Variants in CNTN4 observed in about 807,000 individuals in gnomAD.
The protein encoded by CNTN4 is contactin 4, also known as contactin-4.
CNTN4 carries 77 observed loss-of-function variants against 122.5 expected under a neutral mutation model. The ratio of observed to expected loss-of-function variants is 0.63; its 90% CI spans 0.52 to 0.76. The LOEUF (loss-of-function observed/expected upper bound fraction) is 0.76, where lower values mean the gene tolerates loss of function less well. CNTN4 is among the 30% of genes least tolerant of loss of function. CNTN4 has a pLI of 0.00. For synonymous variants in CNTN4, 512 were observed against 447.0 expected (o/e 1.15, Z -1.83); for missense variants, 1,256 against 1,259.1 (o/e 1.00, Z 0.04).
chr3:2,686,421 C>CAGGTGTGT (rs1284756299), intron 4 of CNTN4, among the ~76,000 whole-genome samples: 1 of 152,152 alleles, frequency 6.6e-6, no homozygotes, highest in Non-Finnish European at 1.5e-5. Flanking sequence ...ACACACACCC[C>CAGGTGTGT]ATCTCCTCCA....
intron 2 of CNTN4, among the ~76,000 whole-genome samples, chr3:2,205,572 C>T (rs1328769914): frequency 4.0e-5 from 6 of 151,810 alleles, no homozygotes; most frequent in African/African-American, 1.5e-4. Flanking sequence ...TCGTAAGCTC[C>T]CAAAGGGCAG....
chr3:2,885,005 A>G (rs964153553), intron 9 of CNTN4, among the ~76,000 whole-genome samples: 1 of 152,200 alleles, frequency 6.6e-6, no homozygotes, highest in African/African-American at 2.4e-5. Flanking sequence ...GACACCGATT[A>G]TGTACTTTTC....
Position 2,756,668 on chromosome 3 carries a change from A to G in CNTN4, c.358+10971A>G, listed in dbSNP as rs954908428. On this transcript the variant is annotated intron_variant, in intron 6 of 24. Coordinates refer to ENST00000418658, the MANE Select transcript of CNTN4 (RefSeq NM_175607.3). Reference sequence around the variant, plus strand: ...ATCACCCAGATGGACCATAAATTCAATATCAAGTGTCCTCATAAGAGAGTG... The same window carrying G: ...ATCACCCAGATGGACCATAAATTCAGTATCAAGTGTCCTCATAAGAGAGTG... 1.2e-4 allele frequency among the ~76,000 whole-genome samples: 18 copies of G among 152,328 alleles called. No homozygotes were observed. The East Asian group carries it at 2.7e-3, about 23-fold the overall frequency.
chr3:2,804,091 A>ACACACACACACT lies in CNTN4; in HGVS notation c.359-15388_359-15387insACACTCACACAC, dbSNP rs765327201. On this transcript the variant is annotated intron_variant, in intron 6 of 24. Transcript: ENST00000418658. ...CACACACACACACACACACACACAC[A>ACACACACACACT]CACACACGTATGATAAAAACCATAA... Among the ~76,000 whole-genome samples the ACACACACACACT allele has an allele frequency of 5.2e-3, 749 of 144,222 alleles. 3 individuals carry two copies. The highest frequency in any genetic ancestry group is 7.3e-3 in the Non-Finnish European group (471 of 64,722). 94.6% of individuals were successfully genotyped at this position (144,222 alleles called of 152,430 possible).
At chr3:2,699,542 C>T (rs2086240204) in intron 4 of CNTN4, among the ~76,000 whole-genome samples, 1 of 152,220 alleles carries the variant, frequency 6.6e-6, no homozygotes, top group Non-Finnish European at 1.5e-5. Flanking sequence ...TTGCTTGGAA[C>T]TGACATTTGG....
intron 4 of CNTN4, among the ~76,000 whole-genome samples, chr3:2,626,506 A>G (rs994100646): frequency 6.6e-6 from 1 of 150,792 alleles, no homozygotes; most frequent in Non-Finnish European, 1.5e-5. Context: ...CAAAAAAAAA[A>G]CAACAAAAAA....
At position 2,521,343 on chromosome 3, in the gene CNTN4, T is replaced by TCGCCCCCC. The variant is rs781282977; in HGVS notation, c.-88-50072_-88-50071insGCCCCCCC. Among the ~76,000 whole-genome samples the TCGCCCCCC allele has an allele frequency of 6.2e-4, 79 of 128,278 alleles. 1 individual carries two copies. Among genetic ancestry groups the TCGCCCCCC allele is most frequent in the South Asian group, 7.7e-4 (3 of 3,918 alleles). The allele number at this position is 128,278 out of a possible 152,430, so 84.2% of individuals were successfully genotyped here. A position where few individuals can be genotyped will look rare whatever the true frequency, so the allele number is the denominator to read the frequency against. On this transcript the variant is annotated intron_variant, in intron 3 of 24. Coordinates refer to ENST00000418658, the MANE Select transcript of CNTN4 (RefSeq NM_175607.3). ...GTGAACAAGGGTGGACCTCTACCCA[T>TCGCCCCCC]CCCCCCCACCCCCCGCAATAAGTCA...
intron 13 of CNTN4, among the ~76,000 whole-genome samples, chr3:2,950,323 A>C (rs1577375067): frequency 6.6e-6 from 1 of 152,210 alleles, no homozygotes; most frequent in South Asian, 2.1e-4. Context: ...ATCCTCCCAG[A>C]ATGAGTCATT....
chr3:2,835,185 A>G (rs1203857599), intron 7 of CNTN4, among the ~76,000 whole-genome samples: 7 of 152,078 alleles, frequency 4.6e-5, no homozygotes, highest in South Asian at 2.1e-4. Flanking sequence ...GATTACAGGC[A>G]TGAGCCACCT....
At chr3:2,189,251 A>G (rs2037413251) in intron 2 of CNTN4, among the ~76,000 whole-genome samples, 1 of 152,168 alleles carries the variant, frequency 6.6e-6, no homozygotes, top group African/African-American at 2.4e-5. Context: ...ATGTGTGAAG[A>G]GAAAAATGCT....
At chr3:2,789,191 A>G (rs944382855) in intron 6 of CNTN4, among the ~76,000 whole-genome samples, 6 of 152,168 alleles carry the variant, frequency 3.9e-5, no homozygotes, top group Non-Finnish European at 7.3e-5. Context: ...CAGATTGTGG[A>G]GGTTGAAATT....
In CNTN4 at chr3:2,647,380, CATAAATAA is replaced by C. The variant is rs10591988; in HGVS notation, c.55+75854_55+75861del. On this transcript the variant is annotated intron_variant, in intron 4 of 24. Transcript: ENST00000418658. Reference sequence around the variant, plus strand: ...TGGGCAACGAGAGCGAAACTCATCTCATAAATAAATAAATAAATAAATAAATAAATAAA... The same window carrying C: ...TGGGCAACGAGAGCGAAACTCATCTCATAAATAAATAAATAAATAAATAAA... Among the ~76,000 whole-genome samples, 726 of 150,660 alleles carry C rather than the reference CATAAATAA, an allele frequency of 4.8e-3. 11 individuals are homozygous for C. The highest frequency in any genetic ancestry group is 0.015 in the African/African-American group (621 of 41,012).
chr3:3,026,229 C>A lies in CNTN4; in HGVS notation c.1614C>A (p.His538Gln), dbSNP rs1698704753. Reference sequence around the variant, plus strand: ...TGTTTACTTGGTCATTTAATGGACACCTGATAGACTTTGACAGAGATGGGG... The same window carrying A: ...TGTTTACTTGGTCATTTAATGGACAACTGATAGACTTTGACAGAGATGGGG... ...DIVFTWSFNG[H>Q]LIDFDRDGDH... is the part of the protein sequence containing the mutation. The change falls in exon 15 of 25, where the codon CAC becomes CAA. Residue 538 changes from histidine to glutamine, a missense_variant. Transcript: ENST00000418658. The A allele has an allele frequency of 6.2e-7, 1 of 1,613,358 alleles. No individual in the cohort carries two copies. Among genetic ancestry groups the A allele is most frequent in the South Asian group, 1.1e-5 (1 of 91,076 alleles).
chr3:2,164,173 TAAAAAA>T (rs2036088158), intron 2 of CNTN4, among the ~76,000 whole-genome samples: 1 of 141,980 alleles, frequency 7.0e-6, no homozygotes, highest in Non-Finnish European at 1.5e-5. Flanking sequence ...ACTATTGAAA[TAAAAAA>T]GAAAAAAAGG....
At chr3:2,441,691 T>G (rs2048446689) in intron 3 of CNTN4, among the ~76,000 whole-genome samples, 1 of 152,178 alleles carries the variant, frequency 6.6e-6, no homozygotes, top group East Asian at 1.9e-4. Flanking sequence ...TAATTGCTGG[T>G]AATTGTCTAT....
chr3:3,043,090 A>C lies in CNTN4; in HGVS notation c.2625A>C (p.Leu875Phe), dbSNP rs1700312062. ...TNLKGSVLYH[L>F]AVKAYNSAGT... is the part of the protein sequence containing the mutation. ...TAAAAGGCAGTGTGCTGTATCACTT[A>C]GCTGTCAAGGCATATAATTCTGCTG... The change falls in exon 22 of 25, where the codon TTA becomes TTC. Residue 875 changes from leucine to phenylalanine, a missense_variant. Transcript: ENST00000418658. The C allele has an allele frequency of 6.2e-7, 1 of 1,614,114 alleles. No individual in the cohort carries two copies. Among genetic ancestry groups the C allele is most frequent in the African/African-American group, 1.3e-5 (1 of 74,948 alleles).
chr3:2,136,506 T>G (rs568924517), intron 2 of CNTN4, among the ~76,000 whole-genome samples: 1 of 152,332 alleles, frequency 6.6e-6, no homozygotes, highest in East Asian at 1.9e-4. Flanking sequence ...TTGGTGATAT[T>G]CTTCCATTCT....
chr3:2,743,062 G>A (rs937546950), intron 5 of CNTN4, among the ~76,000 whole-genome samples: 1 of 152,184 alleles, frequency 6.6e-6, no homozygotes, highest in East Asian at 1.9e-4. Context: ...GAGATGACTA[G>A]TGTAGGAAAA....
chr3:2,581,269 A>G (rs1384717219), intron 4 of CNTN4, among the ~76,000 whole-genome samples: 1 of 152,094 alleles, frequency 6.6e-6, no homozygotes, highest in Admixed American at 6.5e-5. Flanking sequence ...CTAAAGCTAT[A>G]CCTTAAGTAC....
Sources: gnomAD v4.1 joint callset for allele counts (sites outside exome capture counted in the v4.1 genomes callset) on GRCh38, gnomAD v4.1.1 for gene constraint, MANE v1.5 for transcripts, NCBI Gene and HGNC (gene_info 2026-07-23, HGNC 2026-07-21) for gene names.